The following C6orf163 variants were observed in gnomAD, a reference collection of about 807,000 sequenced individuals.
C6orf163 encodes uncharacterized protein C6orf163.
Under a neutral mutation model 28.4 loss-of-function variants are expected in C6orf163, and 22 were observed. The ratio of observed to expected loss-of-function variants is 0.78; its 90% confidence interval spans 0.55 to 1.11. C6orf163 has a LOEUF of 1.11. Ranked by LOEUF, C6orf163 falls within the 50% of genes least tolerant of loss-of-function variation. The probability of loss-of-function intolerance (pLI) is 0.00; values close to 1 mark genes in which losing one functional copy is unlikely to be tolerated. For synonymous variants in C6orf163, 110 were observed against 123.6 expected, an observed-to-expected ratio of 0.89 and a Z score of 0.73; for missense variants, 342 against 389.1, an observed-to-expected ratio of 0.88 and a Z score of 1.02.
chr6:87,346,542 C>G (rs79436863), intron 1 of C6orf163, among the ~76,000 whole-genome samples: 18,173 of 152,156 alleles, frequency 0.12, 1,139 homozygotes, highest in African/African-American at 0.15. Flanking sequence ...ATTCAGTGAC[C>G]TTTGTCATTG....
chr6:87,358,762 A>G (rs993510133), intron 4 of C6orf163, among the ~76,000 whole-genome samples: 2 of 152,146 alleles, frequency 1.3e-5, no homozygotes, highest in Non-Finnish European at 2.9e-5. Context: ...GGCCTTTTGT[A>G]TACTCCCTGC....
At chr6:87,352,596 T>C (rs1777433544) in intron 3 of C6orf163, among the ~76,000 whole-genome samples, 1 of 151,800 alleles carries the variant, frequency 6.6e-6, no homozygotes, top group South Asian at 2.1e-4. Context: ...GACAATAATA[T>C]CAAAAAGTAA....
chr6:87,358,348 C>T (rs571091808), intron 4 of C6orf163: 1 of 152,106 alleles, frequency 6.6e-6, no homozygotes, highest in African/African-American at 2.4e-5. Flanking sequence ...TGGTTCACGC[C>T]TGTAATCCCA....
At position 87,348,818 on chromosome 6, in the gene C6orf163, G is replaced by T; in HGVS notation, c.155G>T (p.Gly52Val). 6.5e-7 allele frequency: 1 copy of T among 1,537,132 alleles called. No homozygotes were observed. ...FYTHKDILDI[G>V]ANILKKEEQF... ...TTGCTCTTCAAATACACAGATATTG[G>T]GGCAAATATTCTGAAAAAAGAAGAG... The change falls in exon 2 of 5, where the codon GGG becomes GTG. Residue 52 changes from glycine to valine, a missense_variant. Physicochemically the swap from Gly to Val is moderately radical, Grantham distance 109. Transcript: ENST00000388923.
intron 4 of C6orf163, among the ~76,000 whole-genome samples, chr6:87,361,949 T>A (rs1303301621): frequency 6.6e-6 from 1 of 152,160 alleles, no homozygotes; most frequent in Non-Finnish European, 1.5e-5. Context: ...TCTCTCTAGC[T>A]CACCCCACTA....
chr6:87,353,443 T>TAA (rs772804881), intron 3 of C6orf163, among the ~76,000 whole-genome samples: 1 of 143,122 alleles, frequency 7.0e-6, no homozygotes. Flanking sequence ...AATTGAAAAT[T>TAA]AAAAAAAAAA....
chr6:87,356,061 A>G (rs1200246950), intron 3 of C6orf163: 2 of 457,224 alleles, frequency 4.4e-6, no homozygotes, highest in Non-Finnish European at 7.8e-6. Context: ...TCTTTTTTCC[A>G]TATTCCCTTT....
chr6:87,348,515 G>T, intron 1 of C6orf163: 2 of 1,119,096 alleles, frequency 1.8e-6, no homozygotes, highest in Non-Finnish European at 2.2e-6. Flanking sequence ...TCTACTTTGG[G>T]TGTACAAAAT....
chr6:87,364,130 C>G (rs1777614822), intron 4 of C6orf163, among the ~76,000 whole-genome samples: 1 of 151,884 alleles, frequency 6.6e-6, no homozygotes, highest in Non-Finnish European at 1.5e-5. Flanking sequence ...CTAAAAAATA[C>G]AAAAATTAGC....
intron 1 of C6orf163, among the ~76,000 whole-genome samples, chr6:87,345,928 A>AAAAAAAAAAAAAG (rs1777315587): frequency 6.6e-6 from 1 of 151,072 alleles, no homozygotes; most frequent in Non-Finnish European, 1.5e-5. Context: ...AAAAAAAAAA[A>AAAAAAAAAAAAAG]AAAAAAAAAA....
chr6:87,351,130 A>G (rs1195833465), intron 3 of C6orf163, among the ~76,000 whole-genome samples: 1 of 152,232 alleles, frequency 6.6e-6, no homozygotes, highest in Non-Finnish European at 1.5e-5. Context: ...GTAACTTACA[A>G]ACTTTCAGGT....
At chr6:87,348,685 T>C in intron 1 of C6orf163, 127 bp from the exon 2 acceptor site, 4 of 1,430,936 alleles carry the variant, frequency 2.8e-6, no homozygotes, top group South Asian at 3.0e-5. Context: ...CTTTGAAATA[T>C]ATATACTGGC....
At position 87,346,670 on chromosome 6, in the gene C6orf163, A is replaced by G. The variant is rs1229351673; in HGVS notation, c.148+1423A>G. ...TAGGACGATAGTTCTCAATCCTGGC[A>G]GTGCACTATATAGAACTTTGAAAAA... On this transcript the variant is annotated intron_variant, in intron 1 of 4. Transcript: ENST00000388923. Among the ~76,000 whole-genome samples, 3 of 152,338 alleles carry G rather than the reference A, an allele frequency of 2.0e-5. No homozygotes were observed. In the East Asian group the frequency reaches 5.8e-4, roughly 29 times the overall value.
rs1777629967 is a variant in C6orf163 at position 87,365,319 on chromosome 6, G to C, written c.913G>C (p.Ala305Pro). ...YTFPKLSPGH[A>P]DFILPERKKT... Reference sequence around the variant, plus strand: ...CTTTCCTAAGCTTTCACCAGGACATGCAGATTTTATTCTGCCAGAAAGAAA... The same window carrying C: ...CTTTCCTAAGCTTTCACCAGGACATCCAGATTTTATTCTGCCAGAAAGAAA... Residue 305 changes from alanine to proline, a missense_variant, in exon 5 of 5, where the codon GCA (alanine) becomes CCA (proline). By Grantham distance (27) the Ala-to-Pro change is conservative. Transcript: ENST00000388923. 6.4e-7 allele frequency: 1 copy of C among 1,551,360 alleles called. No individual in the cohort carries two copies. The highest frequency in any genetic ancestry group is 1.4e-5 in the African/African-American group (1 of 73,032).
chr6:87,353,395 A>G (rs1002904827), intron 3 of C6orf163, among the ~76,000 whole-genome samples: 1 of 152,060 alleles, frequency 6.6e-6, no homozygotes, highest in Non-Finnish European at 1.5e-5. Flanking sequence ...ATTATTACAC[A>G]TTGTATGCCT....
intron 1 of C6orf163, chr6:87,347,329 A>G (rs1047671670): frequency 1.1e-6 from 1 of 912,700 alleles, no homozygotes; most frequent in Non-Finnish European, 1.3e-6. Flanking sequence ...TTTTAAAAAA[A>G]GCTTTGCAGG....
At chr6:87,348,231 T>C (rs1175577731) in intron 1 of C6orf163, 1 of 984,250 alleles carries the variant, frequency 1.0e-6, no homozygotes, top group Non-Finnish European at 1.2e-6. Flanking sequence ...TCTAGACTTT[T>C]ATTACCTTGT....
At chr6:87,348,956 C>T in intron 2 of C6orf163, 50 bp downstream of exon 2, 1 of 1,530,326 alleles carries the variant, frequency 6.5e-7, no homozygotes, top group South Asian at 1.2e-5. Context: ...CGTTCTTTCA[C>T]ATTTTGGATT....
At position 87,356,519 on chromosome 6, in the gene C6orf163, C is replaced by A; in HGVS notation, c.554+16C>A. The A allele has an allele frequency of 6.5e-7, 1 of 1,548,734 alleles. No individual in the cohort carries two copies. Among genetic ancestry groups the A allele is most frequent in the East Asian group, 2.4e-5 (1 of 40,896 alleles). ...CCCAGAAAAGGTATTCCAGAGAACT[C>A]ATTTACAAATTAGTAACTTCCTTTA... On this transcript the variant is annotated intron_variant, in intron 4 of 4. Transcript: ENST00000388923.
Sources: allele counts gnomAD v4.1 joint callset (sites outside exome capture counted in the v4.1 genomes callset), GRCh38; gene constraint gnomAD v4.1.1; transcripts MANE v1.5; gene names NCBI Gene and HGNC (gene_info 2026-07-23, HGNC 2026-07-21).